The following ITGA9 variants were observed in gnomAD, a reference collection of about 807,000 sequenced individuals.
ITGA9 encodes integrin subunit alpha 9.
ITGA9 carries 56 observed loss-of-function variants against 127.8 expected under a neutral mutation model. That is an observed-to-expected ratio of 0.44 (90% CI 0.35 to 0.55). The LOEUF is 0.55. Ranked by LOEUF, ITGA9 falls within the 20% of genes least tolerant of loss-of-function variation. ITGA9 has a pLI of 0.00. For synonymous variants in ITGA9, 508 were observed against 514.5 expected (o/e 0.99, Z 0.17); for missense variants, 1,196 against 1,347.1 (o/e 0.89, Z 1.76).
At chr3:37,614,286 A>G (rs13326210) in intron 15 of ITGA9, among the ~76,000 whole-genome samples, 9,568 of 151,368 alleles carry the variant, frequency 0.063, 934 homozygotes, top group African/African-American at 0.22. Context: ...GATATGCGGC[A>G]TTATTTCTGA....
chr3:37,816,514 C>T (rs572935220), intron 27 of ITGA9, among the ~76,000 whole-genome samples: 3 of 152,306 alleles, frequency 2.0e-5, no homozygotes, highest in East Asian at 1.9e-4. Context: ...ACATCTTTAT[C>T]GCAAAAGAAT....
At chr3:37,576,964 C>T (rs551577150) in intron 15 of ITGA9, among the ~76,000 whole-genome samples, 1 of 152,332 alleles carries the variant, frequency 6.6e-6, no homozygotes, top group African/African-American at 2.4e-5. Flanking sequence ...AATCAAGTCA[C>T]CTTGCTCATT....
intron 15 of ITGA9, among the ~76,000 whole-genome samples, chr3:37,573,574 C>T (rs1374373439): frequency 6.6e-6 from 1 of 152,114 alleles, no homozygotes; most frequent in Non-Finnish European, 1.5e-5. Context: ...TCATCCAGAA[C>T]ACCTACGTGT....
intron 27 of ITGA9, among the ~76,000 whole-genome samples, chr3:37,813,713 T>G (rs1234798646): frequency 6.6e-6 from 1 of 152,234 alleles, no homozygotes; most frequent in Non-Finnish European, 1.5e-5. Flanking sequence ...TTTTCTGTTC[T>G]TGATGAGGTA....
In ITGA9 at chr3:37,821,807, T is replaced by A. The variant is rs1035491858; in HGVS notation, c.*2818T>A. ...TCACTAAGACTTTATAAAGGCAGGT[T>A]TTAAGAAAACCAGCCTTGGCATCAC... On this transcript the variant is annotated 3_prime_UTR_variant, in exon 28 of 28. Transcript: ENST00000264741. 6.6e-6 allele frequency: 1 copy of A among 151,854 alleles called. No individual in the cohort carries two copies. Among genetic ancestry groups the A allele is most frequent in the African/African-American group, 2.4e-5 (1 of 41,318 alleles). The allele number at this position is 151,854 out of a possible 1,614,324, so 9.4% of individuals were successfully genotyped here. A position where few individuals can be genotyped will look rare whatever the true frequency, so the allele number is the denominator to read the frequency against.
At chr3:37,747,804 T>C (rs949501699) in intron 22 of ITGA9, among the ~76,000 whole-genome samples, 4 of 151,752 alleles carry the variant, frequency 2.6e-5, no homozygotes, top group Admixed American at 2.6e-4. Flanking sequence ...TCTCAGCTCA[T>C]TGCAGCCTCA....
At chr3:37,686,939 G>A (rs1700787964) in intron 18 of ITGA9, among the ~76,000 whole-genome samples, 1 of 152,206 alleles carries the variant, frequency 6.6e-6, no homozygotes, top group Admixed American at 6.5e-5. Flanking sequence ...GGGGCACCAG[G>A]AGAGCCCCCC....
At chr3:37,627,411 C>T (rs1381886691) in intron 15 of ITGA9, among the ~76,000 whole-genome samples, 1 of 152,052 alleles carries the variant, frequency 6.6e-6, no homozygotes, top group Admixed American at 6.5e-5. Flanking sequence ...TTCCAGTCTG[C>T]CCTCCAGTGT....
intron 15 of ITGA9, among the ~76,000 whole-genome samples, chr3:37,586,275 GCC>G (rs1033238693): frequency 2.6e-5 from 4 of 152,164 alleles, no homozygotes; most frequent in African/African-American, 9.7e-5. Context: ...ACAGCCTTTA[GCC>G]CACCCTTTGA....
chr3:37,673,325 TC>T (rs1341189920), intron 17 of ITGA9, among the ~76,000 whole-genome samples: 12 of 152,064 alleles, frequency 7.9e-5, no homozygotes, highest in Non-Finnish European at 1.0e-4. Context: ...ATCAATCCAT[TC>T]CCCACCTTTC....
chr3:37,540,727 A>C (rs1292290610), intron 14 of ITGA9, among the ~76,000 whole-genome samples: 1 of 152,164 alleles, frequency 6.6e-6, no homozygotes, highest in Non-Finnish European at 1.5e-5. Flanking sequence ...TGCCAGTCTG[A>C]ATCTACCCTT....
chr3:37,660,649 C>T (rs925129518), intron 17 of ITGA9, among the ~76,000 whole-genome samples: 15 of 152,174 alleles, frequency 9.9e-5, no homozygotes, highest in African/African-American at 3.6e-4. Context: ...CCAGTCCCCC[C>T]ATATGTATCA....
At chr3:37,640,175 T>C (rs1051548416) in intron 16 of ITGA9, among the ~76,000 whole-genome samples, 1 of 152,108 alleles carries the variant, frequency 6.6e-6, no homozygotes, top group Non-Finnish European at 1.5e-5. Context: ...GACTTTGCAG[T>C]TGTAATTAAG....
chr3:37,741,847 A>G, intron 21 of ITGA9, 28 bp downstream of exon 21: 2 of 1,558,108 alleles, frequency 1.3e-6, no homozygotes. Context: ...GGGTTGCCAC[A>G]ACACAGGAGT....
Position 37,547,639 on chromosome 3 carries a change from A to G in ITGA9, c.1689+5054A>G, listed in dbSNP as rs529615421. Among the ~76,000 whole-genome samples, 73 of 152,284 alleles carry G rather than the reference A, an allele frequency of 4.8e-4. 1 individual carries two copies. Among genetic ancestry groups the G allele is most frequent in the South Asian group, 1.0e-3 (5 of 4,820 alleles). On this transcript the variant is annotated intron_variant, in intron 15 of 27. Transcript: ENST00000264741. ...ACTCTGAGAAAGAGGAGAAAGAAAA[A>G]CAGCAAAAGTTTCTTCTTTATCTGG... is the stretch of plus-strand genomic sequence containing the variant.
rs879618747 is a variant in ITGA9 at position 37,512,024 on chromosome 3, TTTTC to T, written c.898-1690_898-1687del. On this transcript the variant is annotated intron_variant, in intron 8 of 27. Transcript: ENST00000264741. The stretch of plus-strand genomic sequence containing the variant: ...TTTTCTTTTCTTTTCTTTTCTTTTC[TTTTC>T]TTTCTTTCTTTCTTTCTTTCTTTCT... Among the ~76,000 whole-genome samples, 63 of 31,974 alleles carry T rather than the reference TTTTC, an allele frequency of 2.0e-3. 1 individual carries two copies. The highest frequency in any genetic ancestry group is 5.9e-3 in the South Asian group (5 of 852). The allele number at this position is 31,974 out of a possible 152,430, so 21.0% of individuals were successfully genotyped here. A position where few individuals can be genotyped will look rare whatever the true frequency, so the allele number is the denominator to read the frequency against.
intron 23 of ITGA9, among the ~76,000 whole-genome samples, chr3:37,770,224 A>C (rs1247627724): frequency 6.6e-6 from 1 of 152,190 alleles, no homozygotes; most frequent in Non-Finnish European, 1.5e-5. Context: ...GTAAGGATTC[A>C]GCATATGCCG....
intron 15 of ITGA9, among the ~76,000 whole-genome samples, chr3:37,616,746 G>A (rs1700078727): frequency 6.6e-6 from 1 of 152,106 alleles, no homozygotes; most frequent in South Asian, 2.1e-4. Context: ...TCTGATCTTT[G>A]TTGGTTTAAA....
intron 4 of ITGA9, among the ~76,000 whole-genome samples, 174 bp from the exon 5 acceptor site, chr3:37,494,327 G>A (rs1398146497): frequency 6.6e-6 from 1 of 152,146 alleles, no homozygotes; most frequent in Non-Finnish European, 1.5e-5. Context: ...CTGGATTTTT[G>A]AGGTCTGGTG....
Sources: gnomAD v4.1 joint callset for allele counts (sites outside exome capture counted in the v4.1 genomes callset) on GRCh38, gnomAD v4.1.1 for gene constraint, MANE v1.5 for transcripts, NCBI Gene and HGNC (gene_info 2026-07-23, HGNC 2026-07-21) for gene names.